SYT16: variants seen among roughly 807,000 people sequenced by gnomAD.
SYT16 encodes synaptotagmin 16, also known as synaptotagmin-16.
A neutral mutation model predicts 61.4 loss-of-function variants in SYT16; 42 were observed. The ratio of observed to expected loss-of-function variants is 0.68; its 90% confidence interval spans 0.53 to 0.89. The LOEUF is 0.89. Among genes scored for constraint, SYT16 ranks in the 40% least tolerant of loss-of-function variants. The pLI, the probability that SYT16 is intolerant of heterozygous loss-of-function variation, is 0.00. For missense variants in SYT16, 804 were observed against 807.3 expected, an observed-to-expected ratio of 1.00 and a Z score of 0.05; for synonymous variants, 314 against 302.3, an observed-to-expected ratio of 1.04 and a Z score of -0.40.
chr14:61,985,960 G>A (rs896081606), intron 2 of SYT16, among the ~76,000 whole-genome samples: 15 of 152,160 alleles, frequency 9.9e-5, no homozygotes, highest in Non-Finnish European at 2.2e-4. Context: ...AGCTCCCCAA[G>A]ATCCTGCTTT....
chr14:61,926,934 A>G (rs1031239858), intron 1 of SYT16, among the ~76,000 whole-genome samples: 2 of 152,170 alleles, frequency 1.3e-5, no homozygotes, highest in Non-Finnish European at 2.9e-5. Flanking sequence ...ATAAAATACT[A>G]GTTTTCTTTT....
chr14:61,851,837 A>T (rs1415470150), intron 1 of SYT16, among the ~76,000 whole-genome samples: 2 of 152,154 alleles, frequency 1.3e-5, no homozygotes, highest in Non-Finnish European at 2.9e-5. Context: ...TAGATTGCAA[A>T]AATTTTCTTC....
At chr14:61,909,301 C>G (rs1186012852) in intron 1 of SYT16, among the ~76,000 whole-genome samples, 3 of 152,186 alleles carry the variant, frequency 2.0e-5, no homozygotes, top group Non-Finnish European at 4.4e-5. Context: ...GCCATCATAA[C>G]AAATTACCAC....
intron 3 of SYT16, among the ~76,000 whole-genome samples, chr14:62,005,829 A>C (rs567909530): frequency 2.0e-5 from 3 of 152,284 alleles, no homozygotes; most frequent in African/African-American, 7.2e-5. Flanking sequence ...GACTGTGCAG[A>C]AGCCTATATC....
chr14:62,100,487 A>G lies in SYT16; in HGVS notation c.1718A>G (p.Tyr573Cys). The G allele has an allele frequency of 1.2e-6, 2 of 1,613,576 alleles. No homozygotes were observed. Among genetic ancestry groups the G allele is most frequent in the Non-Finnish European group, 1.7e-6 (2 of 1,179,762 alleles). Reference sequence around the variant, plus strand: ...CGGCGTGGTCAGCCCAATCCTGTCTATAAGGAGACCTTTGTTTTCCAGGTG... The same window carrying G: ...CGGCGTGGTCAGCCCAATCCTGTCTGTAAGGAGACCTTTGTTTTCCAGGTG... ...SIRRGQPNPV[Y>C]KETFVFQVAL... The change falls in exon 8 of 8, where the codon TAT becomes TGT. Residue 573 changes from tyrosine (Y) to cysteine (C), a missense_variant. Transcript: ENST00000683842.
intron 5 of SYT16, among the ~76,000 whole-genome samples, chr14:62,078,153 C>CTATATATATATATATATATATA (rs1437217028): frequency 9.8e-6 from 1 of 101,718 alleles, no homozygotes; most frequent in African/African-American, 4.8e-5. Flanking sequence ...CTCTCTCTCT[C>CTATATATATATATATATATATA]TCTATATATA....
intron 1 of SYT16, among the ~76,000 whole-genome samples, chr14:61,863,194 C>G (rs1413457425): frequency 6.6e-6 from 1 of 152,176 alleles, no homozygotes; most frequent in Non-Finnish European, 1.5e-5. Flanking sequence ...TAAGAAACTT[C>G]CAAACCGTCT....
At chr14:62,087,310 C>T (rs530041158) in intron 7 of SYT16, among the ~76,000 whole-genome samples, 1 of 151,970 alleles carries the variant, frequency 6.6e-6, no homozygotes, top group South Asian at 2.1e-4. Context: ...GCCAAGTGCA[C>T]CGCTCCCCAC....
chr14:61,926,020 A>G (rs2049522081), intron 1 of SYT16, among the ~76,000 whole-genome samples: 1 of 152,194 alleles, frequency 6.6e-6, no homozygotes, highest in Non-Finnish European at 1.5e-5. Flanking sequence ...TATGCTTGGT[A>G]CATGACATGC....
At chr14:61,891,050 T>G (rs2048105656) in intron 1 of SYT16, among the ~76,000 whole-genome samples, 1 of 152,174 alleles carries the variant, frequency 6.6e-6, no homozygotes, top group African/African-American at 2.4e-5. Flanking sequence ...TGTGTGTGAG[T>G]GCTCCCTTGG....
intron 1 of SYT16, among the ~76,000 whole-genome samples, chr14:61,938,533 C>T (rs948475382): frequency 3.3e-5 from 5 of 152,066 alleles, no homozygotes; most frequent in Admixed American, 2.0e-4. Flanking sequence ...CAGGGCAATG[C>T]GCTGAGGTTG....
chr14:62,033,696 TACAC>T (rs2054394824), intron 3 of SYT16, among the ~76,000 whole-genome samples: 1 of 130,702 alleles, frequency 7.7e-6, no homozygotes, highest in Non-Finnish European at 1.6e-5. Context: ...TCTCATATCA[TACAC>T]ACAATAAACT....
At chr14:61,984,701 G>A (rs1459730550) in intron 2 of SYT16, among the ~76,000 whole-genome samples, 2 of 152,156 alleles carry the variant, frequency 1.3e-5, no homozygotes, top group Non-Finnish European at 2.9e-5. Context: ...AAAAGCAACA[G>A]ACAGGCATTG....
chr14:61,947,784 A>G (rs1196879383), intron 1 of SYT16, among the ~76,000 whole-genome samples: 5 of 152,196 alleles, frequency 3.3e-5, no homozygotes, highest in African/African-American at 1.2e-4. Context: ...AAATGAGCTT[A>G]GTGTAAAGGC....
intron 7 of SYT16, among the ~76,000 whole-genome samples, chr14:62,088,353 G>A (rs545834119): frequency 6.6e-6 from 1 of 152,194 alleles, no homozygotes; most frequent in African/African-American, 2.4e-5. Flanking sequence ...TGATTCCATT[G>A]GTAAGAAATT....
intron 7 of SYT16, among the ~76,000 whole-genome samples, chr14:62,099,090 G>T (rs2141019303): frequency 6.6e-6 from 1 of 152,202 alleles, no homozygotes; most frequent in East Asian, 1.9e-4. Context: ...CTAGAAGATA[G>T]GGCCAAAGAA....
chr14:61,921,649 T>G (rs936367129), intron 1 of SYT16, among the ~76,000 whole-genome samples: 1 of 152,150 alleles, frequency 6.6e-6, no homozygotes, highest in Non-Finnish European at 1.5e-5. Context: ...TGACTTAGAG[T>G]AAAGGGCTCA....
chr14:61,883,936 A>T (rs1035584327), intron 1 of SYT16, among the ~76,000 whole-genome samples: 4 of 152,128 alleles, frequency 2.6e-5, no homozygotes, highest in African/African-American at 9.7e-5. Flanking sequence ...ATGTTTTGAG[A>T]CTCACTAACT....
chr14:61,905,412 C>T (rs2048666748), intron 1 of SYT16, among the ~76,000 whole-genome samples: 1 of 152,216 alleles, frequency 6.6e-6, no homozygotes, highest in South Asian at 2.1e-4. Context: ...ATTACTTATG[C>T]ACCAAACTAT....
Sources: allele counts gnomAD v4.1 joint callset (sites outside exome capture counted in the v4.1 genomes callset), GRCh38; gene constraint gnomAD v4.1.1; transcripts MANE v1.5; gene names NCBI Gene and HGNC (gene_info 2026-07-23, HGNC 2026-07-21).